ADCK2: variants seen among roughly 807,000 people sequenced by gnomAD.
ADCK2 encodes aarF domain containing kinase 2, also known as uncharacterized aarF domain-containing protein kinase 2.
Under a neutral mutation model 52.3 loss-of-function variants are expected in ADCK2, and 37 were observed. That is an observed-to-expected ratio of 0.71 (90% CI 0.54 to 0.93). ADCK2 has a LOEUF of 0.93. ADCK2 is among the 40% of genes least tolerant of loss of function. The probability of loss-of-function intolerance (pLI) is 0.00; values close to 1 mark genes in which losing one functional copy is unlikely to be tolerated. For missense variants in ADCK2, 695 were observed against 798.7 expected (o/e 0.87, Z 1.56); for synonymous variants, 321 against 349.2 (o/e 0.92, Z 0.90).
intron 7 of ADCK2, among the ~76,000 whole-genome samples, chr7:140,692,974 C>T (rs1794733805): frequency 6.6e-6 from 1 of 152,162 alleles, no homozygotes; most frequent in South Asian, 2.1e-4. Flanking sequence ...TTCTCTCATC[C>T]TCACCAACAC....
chr7:140,682,826 C>CA (rs397889908), intron 4 of ADCK2, among the ~76,000 whole-genome samples: 1,236 of 65,152 alleles, frequency 0.019, 12 homozygotes, highest in East Asian at 0.037. Flanking sequence ...CCTGTCACTA[C>CA]AAAAAAAAAA....
chr7:140,679,328 C>G, intron 3 of ADCK2, 45 bp downstream of exon 3: 1 of 1,607,612 alleles, frequency 6.2e-7, no homozygotes, highest in South Asian at 1.1e-5. Flanking sequence ...ACTTGCCACT[C>G]GCAGTGGGCC....
intron 5 of ADCK2, among the ~76,000 whole-genome samples, chr7:140,688,399 ATGCTCACAC>A (rs1794645885): frequency 6.6e-6 from 1 of 152,124 alleles, no homozygotes; most frequent in Non-Finnish European, 1.5e-5. Context: ...ATTCTTGTCA[ATGCTCACAC>A]TTGCCAGTGT....
At position 140,694,662 on chromosome 7, in the gene ADCK2, G is replaced by A; in HGVS notation, c.1741-1G>A. On this transcript the variant is annotated splice_acceptor_variant, in intron 7 of 7. Coordinates refer to ENST00000072869, the MANE Select transcript of ADCK2 (RefSeq NM_052853.4). LOFTEE classifies it high-confidence loss of function. ...TGAACTGTTCTGTTTTTCTGTTCCA[G>A]GTAAAGCTTGAGAGCAACTTTGCCT... 4 of 1,613,550 alleles carry A rather than the reference G, an allele frequency of 2.5e-6. No homozygotes were observed. The highest frequency in any genetic ancestry group is 1.6e-4 in the Middle Eastern group (1 of 6,062).
rs1482268405 is a variant in ADCK2, at chr7:140,673,517, G to C, written c.187G>C (p.Asp63His). ...LCGDVGEGAP[D>H]VLSRRRVRCS... ...CGGGGACGTGGGTGAGGGGGCCCCT[G>C]ACGTTCTGAGTCGGCGAAGGGTCCG... The change falls in exon 1 of 8, where the codon GAC becomes CAC. Residue 63 changes from aspartate to histidine, a missense_variant. Transcript: ENST00000072869. The surrounding 1 kb of genome is among the most constrained non-coding windows in gnomAD (Gnocchi z 6.4). 1 of 1,601,220 alleles carries C rather than the reference G, an allele frequency of 6.2e-7. No individual in the cohort carries two copies. The highest frequency in any genetic ancestry group is 8.5e-7 in the Non-Finnish European group (1 of 1,176,568).
chr7:140,676,070 A>G (rs1035821896), intron 2 of ADCK2, among the ~76,000 whole-genome samples: 3 of 152,280 alleles, frequency 2.0e-5, no homozygotes, highest in African/African-American at 7.2e-5. Context: ...ACAGAATCCC[A>G]TAAACTAAGT....
chr7:140,679,116 C>T, intron 2 of ADCK2, 39 bp from the exon 3 acceptor site: 2 of 1,609,556 alleles, frequency 1.2e-6, no homozygotes, highest in Non-Finnish European at 8.5e-7. Context: ...GTGCCTGTAC[C>T]CAGACTAGCC....
intron 2 of ADCK2, among the ~76,000 whole-genome samples, chr7:140,676,061 C>T (rs998974402): frequency 2.0e-5 from 3 of 152,224 alleles, no homozygotes; most frequent in Non-Finnish European, 4.4e-5. Flanking sequence ...TCTGTTCGGA[C>T]AGAATCCCAT....
intron 2 of ADCK2, among the ~76,000 whole-genome samples, chr7:140,675,025 T>C (rs1794372206): frequency 1.3e-5 from 2 of 152,228 alleles, no homozygotes; most frequent in South Asian, 2.1e-4. Flanking sequence ...GGTGGATCAC[T>C]TGAGGCCAGG....
chr7:140,684,495 A>G (rs112292650), intron 4 of ADCK2, among the ~76,000 whole-genome samples: 1,769 of 152,170 alleles, frequency 0.012, 44 homozygotes, highest in African/African-American at 0.04. Flanking sequence ...GGGATGGATG[A>G]CAGGAATGGG....
In ADCK2 at chr7:140,674,397, G is replaced by A; in HGVS notation, c.933+134G>A. 1 of 1,169,460 alleles carries A rather than the reference G, an allele frequency of 8.6e-7. No individual in the cohort carries two copies. Among genetic ancestry groups the A allele is most frequent in the Non-Finnish European group, 1.2e-6 (1 of 850,290 alleles). The allele number at this position is 1,169,460 out of a possible 1,614,324, so 72.4% of individuals were successfully genotyped here. ...TCTGAGTGCTTATTTCATGCAAGCT[G>A]TTTCATTTATTGGCTTGAAGTGGCG... is the stretch of plus-strand genomic sequence containing the variant. On this transcript the variant is annotated intron_variant, in intron 1 of 7. Transcript: ENST00000072869. The surrounding 1 kb of genome is among the most constrained non-coding windows in gnomAD (Gnocchi z 4.6).
chr7:140,690,869 A>C, intron 7 of ADCK2, 56 bp downstream of exon 7: 1 of 1,512,354 alleles, frequency 6.6e-7, no homozygotes, highest in Non-Finnish European at 9.1e-7. Context: ...GCAGGGAGGA[A>C]TGGGAGGACA....
intron 6 of ADCK2, 76 bp downstream of exon 6, chr7:140,689,801 G>A (rs1019390790): frequency 2.1e-6 from 3 of 1,421,712 alleles, no homozygotes; most frequent in Non-Finnish European, 2.8e-6. Flanking sequence ...TGGGTCTAAG[G>A]GAGACCTCTT....
intron 6 of ADCK2, 48 bp from the exon 7 acceptor site, chr7:140,690,712 T>A: frequency 6.3e-7 from 1 of 1,588,670 alleles, no homozygotes; most frequent in Non-Finnish European, 8.6e-7. Flanking sequence ...AAATGAGCGG[T>A]TCTGGAAGGC....
chr7:140,690,854 A>G, intron 7 of ADCK2, 41 bp downstream of exon 7: 2 of 1,592,882 alleles, frequency 1.3e-6, no homozygotes, highest in Non-Finnish European at 1.7e-6. Flanking sequence ...GGAAGGTGGG[A>G]CGGGGCAGGG....
At chr7:140,688,679 T>C (rs900641502) in intron 5 of ADCK2, among the ~76,000 whole-genome samples, 6 of 152,222 alleles carry the variant, frequency 3.9e-5, no homozygotes, top group Non-Finnish European at 8.8e-5. Context: ...GGTGGCAGGC[T>C]GGTGAGATGC....
rs770783927 is a variant in ADCK2, at chr7:140,687,021, T to A, written c.1337T>A (p.Leu446His). The A allele has an allele frequency of 6.2e-7, 1 of 1,614,160 alleles. No homozygotes were observed. ...IFVDNFVHAD[L>H]HPGNILVQGA... ...GTGGATAACTTTGTCCATGCAGACC[T>A]TCACCCTGGAAACATCCTGGTTCAG... Residue 446 changes from leucine to histidine, a missense_variant, in exon 5 of 8, where the codon CTT (leucine) becomes CAT (histidine). Coordinates refer to ENST00000072869, the MANE Select transcript of ADCK2 (RefSeq NM_052853.4).
chr7:140,674,816 C>T lies in ADCK2; in HGVS notation c.1080+59C>T, dbSNP rs1326592736. The T allele has an allele frequency of 1.9e-6, 3 of 1,553,074 alleles. No homozygotes were observed. The African/African-American group carries it at 4.1e-5, about 21-fold the overall frequency. On this transcript the variant is annotated intron_variant, in intron 2 of 7. Transcript: ENST00000072869. This position sits in a 1 kb window ranked among gnomAD's most constrained non-coding sequence, Gnocchi z 4.6. The stretch of plus-strand genomic sequence containing the variant: ...CTAACATAGTTCTTGCCATTAGCTG[C>T]TACTTAGTAAATGTTGAATGAATAA...
chr7:140,681,103 T>C lies in ADCK2; in HGVS notation c.1271T>C (p.Ile424Thr). The C allele has an allele frequency of 1.2e-6, 2 of 1,614,040 alleles. No homozygotes were observed. Among genetic ancestry groups the C allele is most frequent in the South Asian group, 1.1e-5 (1 of 91,070 alleles). Residue 424 changes from isoleucine to threonine, a missense_variant, in exon 4 of 8, where the codon ATT becomes ACT. Ile to Thr is a moderately conservative substitution (Grantham distance 89). Transcript: ENST00000072869. ...ATTCCCGTGGACTTGAAAAGGAAGA[T>C]TGCACGGCTGGGGATCAACATGCTC... Reference protein sequence around the residue: ...AGIPVDLKRKIARLGINMLLK... With the variant: ...AGIPVDLKRKTARLGINMLLK...
Sources: allele counts gnomAD v4.1 joint callset (sites outside exome capture counted in the v4.1 genomes callset), GRCh38; gene constraint gnomAD v4.1.1; non-coding constraint Gnocchi (gnomAD v3.1); transcripts MANE v1.5; gene names NCBI Gene and HGNC (gene_info 2026-07-23, HGNC 2026-07-21).